NCKAP5: variants seen among roughly 807,000 people sequenced by gnomAD.
NCKAP5 encodes nck-associated protein 5.
In NCKAP5, 92 loss-of-function variants were observed where a neutral mutation model predicts 167.0. The ratio of observed to expected loss-of-function variants is 0.55; its 90% CI spans 0.47 to 0.66. The LOEUF (loss-of-function observed/expected upper bound fraction) is 0.66, where lower values mean the gene tolerates loss of function less well. Among genes scored for constraint, NCKAP5 ranks in the 30% least tolerant of loss-of-function variants. The probability of loss-of-function intolerance (pLI) is 0.00; values close to 1 mark genes in which losing one functional copy is unlikely to be tolerated. For missense variants in NCKAP5, 2,378 were observed against 2,315.0 expected, an observed-to-expected ratio of 1.03 and a Z score of -0.56; for synonymous variants, 891 against 877.4, an observed-to-expected ratio of 1.02 and a Z score of -0.27.
chr2:132,783,486 C>T lies in NCKAP5; in HGVS notation c.3325G>A (p.Glu1109Lys). The T allele has an allele frequency of 1.4e-5, 22 of 1,602,976 alleles. No individual in the cohort carries two copies. Among genetic ancestry groups the T allele is most frequent in the Non-Finnish European group, 1.9e-5 (22 of 1,174,648 alleles). The part of the protein sequence containing the change: ...PPKPSFLGVN[E>K]SPSSQVSSSS... ...CTGCTGACCTGAGATGATGGTGACT[C>T]ATTTACCCCTAAGAAGGAAGGCTTG... The change falls in exon 14 of 20, where the codon GAG becomes AAG. Residue 1109 changes from glutamate (E) to lysine (K), a missense_variant. Around this residue, in one of 3 missense-constraint regions of NCKAP5, gnomAD observed 1,325 missense variants for 1,274.5 expected, o/e 1.04. Coordinates refer to ENST00000409261, the MANE Select transcript of NCKAP5 (RefSeq NM_207363.3).
At chr2:133,558,695 T>A (rs982327213) in intron 2 of NCKAP5, among the ~76,000 whole-genome samples, 2 of 40,196 alleles carry the variant, frequency 5.0e-5, no homozygotes, top group Non-Finnish European at 8.6e-5. Flanking sequence ...ACAGATGCAA[T>A]GTGCTGAGCA....
chr2:133,378,953 C>T (rs1038755924), intron 3 of NCKAP5, among the ~76,000 whole-genome samples: 1 of 152,126 alleles, frequency 6.6e-6, no homozygotes, highest in Non-Finnish European at 1.5e-5. Flanking sequence ...AATAAACGAG[C>T]TTTATAAGAA....
In NCKAP5 at chr2:133,152,884, A is replaced by G. The variant is rs575309459; in HGVS notation, c.208-22773T>C. On this transcript the variant is annotated intron_variant, in intron 5 of 19. Transcript: ENST00000409261. ...GATATTCAGTACAGTAATATGCTAT[A>G]CAGGTTTGTAGCCCAGGAGCATGAG... 3.3e-5 allele frequency among the ~76,000 whole-genome samples: 5 copies of G among 152,320 alleles called. No homozygotes were observed. In the South Asian group the frequency reaches 8.3e-4, roughly 25 times the overall value.
chr2:133,653,272 G>T, the NCKAP5 span, among the ~76,000 whole-genome samples: 1 of 152,100 alleles, frequency 6.6e-6, no homozygotes, highest in Admixed American at 6.6e-5. Context: ...GCCAATAATT[G>T]GAGCATATGC....
intron 11 of NCKAP5, among the ~76,000 whole-genome samples, chr2:132,809,761 G>T (rs1685716200): frequency 6.6e-6 from 1 of 152,138 alleles, no homozygotes; most frequent in African/African-American, 2.4e-5. Context: ...CATTTACATT[G>T]AATGTTAGTA....
intron 5 of NCKAP5, among the ~76,000 whole-genome samples, chr2:133,169,295 A>G (rs2084137480): frequency 6.6e-6 from 1 of 152,116 alleles, no homozygotes; most frequent in Non-Finnish European, 1.5e-5. Flanking sequence ...GAAACCTCCA[A>G]TCAGATGTGC....
At position 132,923,017 on chromosome 2, in the gene NCKAP5, T is replaced by C. The variant is rs539750575; in HGVS notation, c.579+40703A>G. Among the ~76,000 whole-genome samples, 13 of 152,352 alleles carry C rather than the reference T, an allele frequency of 8.5e-5. No homozygotes were observed. The South Asian group carries it at 2.7e-3, about 32-fold the overall frequency. On this transcript the variant is annotated intron_variant, in intron 8 of 19. Transcript: ENST00000409261. The stretch of plus-strand genomic sequence containing the variant: ...TGCATCTTCTTTCAGTCCACCTTTT[T>C]TTTAGCATCTCCTTCATGCCAGGCA...
chr2:133,671,593 C>T, the NCKAP5 span, among the ~76,000 whole-genome samples: 1 of 152,128 alleles, frequency 6.6e-6, no homozygotes, highest in Non-Finnish European at 1.5e-5. Context: ...CACACCACCT[C>T]AGGACTCTGC....
At chr2:132,727,624 T>C (rs920386290) in intron 18 of NCKAP5, among the ~76,000 whole-genome samples, 3 of 152,166 alleles carry the variant, frequency 2.0e-5, no homozygotes, top group Non-Finnish European at 2.9e-5. Context: ...GTGTTTGACT[T>C]AAGGCATGGC....
intron 3 of NCKAP5, among the ~76,000 whole-genome samples, chr2:133,455,938 A>G (rs993125797): frequency 2.0e-5 from 3 of 152,158 alleles, no homozygotes; most frequent in Admixed American, 6.6e-5. Context: ...AATTTTCTAA[A>G]CCACAGGAGC....
At chr2:132,737,695 T>C (rs1179291283) in intron 16 of NCKAP5, among the ~76,000 whole-genome samples, 1 of 152,210 alleles carries the variant, frequency 6.6e-6, no homozygotes, top group Non-Finnish European at 1.5e-5. Flanking sequence ...ATCTTCATTA[T>C]AGGGGTGCTT....
At chr2:133,214,546 C>G (rs1175286519) in intron 4 of NCKAP5, among the ~76,000 whole-genome samples, 1 of 151,878 alleles carries the variant, frequency 6.6e-6, no homozygotes, top group Non-Finnish European at 1.5e-5. Flanking sequence ...TTTTTAGATC[C>G]CTTATAATTC....
At chr2:132,936,033 G>C (rs1696825204) in intron 8 of NCKAP5, among the ~76,000 whole-genome samples, 1 of 149,964 alleles carries the variant, frequency 6.7e-6, no homozygotes. Context: ...CCAGGCTGGA[G>C]TGCAGTGGTG....
At position 132,783,301 on chromosome 2, in the gene NCKAP5, A is replaced by G. The variant is rs1683223038; in HGVS notation, c.3510T>C (p.His1170=). The G allele has an allele frequency of 1.9e-6, 3 of 1,613,774 alleles. No homozygotes were observed. Among genetic ancestry groups the G allele is most frequent in the East Asian group, 2.2e-5 (1 of 44,848 alleles). The change falls in exon 14 of 20, where the codon CAT becomes CAC. Residue 1170 remains histidine (H), a synonymous_variant. Coordinates refer to ENST00000409261, the MANE Select transcript of NCKAP5 (RefSeq NM_207363.3). The part of the protein sequence containing the change: ...LRKSSTVPGK[H]EKDSLNEASK... ...AGGCTTCATTTAAACTGTCTTTTTC[A>G]TGTTTCCCTGGCACGGTGGAACTTT... is the stretch of plus-strand genomic sequence containing the variant.
intron 5 of NCKAP5, among the ~76,000 whole-genome samples, chr2:133,139,871 G>A (rs1388566294): frequency 1.3e-5 from 2 of 152,116 alleles, no homozygotes; most frequent in African/African-American, 4.8e-5. Flanking sequence ...GGCTGACCAA[G>A]GAAAGCAAGA....
chr2:132,875,146 C>T (rs1176466484), intron 9 of NCKAP5, among the ~76,000 whole-genome samples: 1 of 152,102 alleles, frequency 6.6e-6, no homozygotes, highest in African/African-American at 2.4e-5. Flanking sequence ...TCCTGTGGTG[C>T]TTTAAAAAAA....
chr2:132,829,042 A>G (rs1381636796), intron 11 of NCKAP5, among the ~76,000 whole-genome samples: 1 of 152,228 alleles, frequency 6.6e-6, no homozygotes, highest in African/African-American at 2.4e-5. Flanking sequence ...ATAACCAGTA[A>G]CGGGAGAAAG....
At chr2:133,089,349 C>A (rs2081096766) in intron 6 of NCKAP5, among the ~76,000 whole-genome samples, 1 of 152,162 alleles carries the variant, frequency 6.6e-6, no homozygotes, top group Non-Finnish European at 1.5e-5. Flanking sequence ...TCAATGAGGT[C>A]TATTGAGTTT....
At chr2:133,175,993 A>T (rs1212336521) in intron 5 of NCKAP5, among the ~76,000 whole-genome samples, 1 of 152,204 alleles carries the variant, frequency 6.6e-6, no homozygotes, top group Non-Finnish European at 1.5e-5. Context: ...CTTTAAATTA[A>T]TTAGGGATGT....
Sources: allele counts gnomAD v4.1 joint callset (sites outside exome capture counted in the v4.1 genomes callset), GRCh38; gene constraint gnomAD v4.1.1; regional missense constraint gnomAD v4.1.1; transcripts MANE v1.5; gene names NCBI Gene and HGNC (gene_info 2026-07-23, HGNC 2026-07-21).